OTOGL: variants seen among roughly 807,000 people sequenced by gnomAD.
OTOGL encodes the protein otogelin-like protein.
Under a neutral mutation model 318.5 loss-of-function variants are expected in OTOGL, and 285 were observed. That is an observed-to-expected ratio of 0.89 (90% CI 0.81 to 0.99). OTOGL has a LOEUF of 0.99. Ranked by LOEUF, OTOGL falls within the 50% of genes least tolerant of loss-of-function variation. The pLI is 0.00. For synonymous variants in OTOGL, 987 were observed against 936.5 expected (o/e 1.05, Z -0.99); for missense variants, 2,899 against 2,845.6 (o/e 1.02, Z -0.43).
At chr12:80,345,215 AAT>A (rs3045903) in intron 44 of OTOGL, among the ~76,000 whole-genome samples, 2 of 138,742 alleles carry the variant, frequency 1.4e-5, no homozygotes, top group South Asian at 2.1e-4. Context: ...TTATGTATAA[AAT>A]ATATATATAT....
intron 34 of OTOGL, among the ~76,000 whole-genome samples, chr12:80,323,112 ACACACACACACACAC>A (rs2137844678): frequency 3.2e-5 from 2 of 61,892 alleles, no homozygotes; most frequent in African/African-American, 7.3e-5. Flanking sequence ...ACACACACAC[ACACACACACACACAC>A]ACACACACAC....
chr12:80,191,628 G>A lies in OTOGL; in HGVS notation c.-19-17785G>A, dbSNP rs182580760. ...GTTATTTGTCCTTTAAAATAAGAAT[G>A]CAATATTTAAACAGTTGGCCTCTTA... On this transcript the variant is annotated intron_variant, in intron 1 of 58. Transcript: ENST00000547103. Among the ~76,000 whole-genome samples the A allele has an allele frequency of 5.5e-3, 835 of 152,238 alleles. 10 individuals carry two copies. The highest frequency in any genetic ancestry group is 0.019 in the African/African-American group (793 of 41,548).
intron 1 of OTOGL, among the ~76,000 whole-genome samples, chr12:80,111,738 T>G (rs1392346378): frequency 6.6e-6 from 1 of 152,210 alleles, no homozygotes; most frequent in African/African-American, 2.4e-5. Context: ...CAGGCTGTTT[T>G]TTGGTTCCAT....
At chr12:80,254,444 T>TC in intron 14 of OTOGL, 80 bp from the exon 15 acceptor site, 1 of 1,069,766 alleles carries the variant, frequency 9.3e-7, no homozygotes, top group South Asian at 1.9e-5. Context: ...TATATTTTGG[T>TC]CCATTAATCA....
At chr12:80,118,332 GAGAT>G (rs1313152286) in intron 1 of OTOGL, among the ~76,000 whole-genome samples, 1 of 152,192 alleles carries the variant, frequency 6.6e-6, no homozygotes, top group African/African-American at 2.4e-5. Context: ...AAGCGTGCCT[GAGAT>G]AGATGCTGGC....
At chr12:80,307,546 C>T (rs538080084) in intron 29 of OTOGL, among the ~76,000 whole-genome samples, 17 of 146,744 alleles carry the variant, frequency 1.2e-4, no homozygotes, top group Admixed American at 6.7e-4. Context: ...CGGGACGGGG[C>T]AGCTGGCCGG....
chr12:80,208,319 A>G, intron 1 of OTOGL: 1 of 452,520 alleles, frequency 2.2e-6, no homozygotes, highest in Non-Finnish European at 4.4e-6. Flanking sequence ...TAGGATGTCA[A>G]GAATACTTAA....
rs921533147 is a variant in OTOGL at position 80,210,848 on chromosome 12, A to G, written c.81A>G (p.Glu27=). The change falls in exon 3 of 59, where the codon GAA becomes GAG. Residue 27 remains glutamate, a splice_region_variant and synonymous_variant. Transcript: ENST00000547103. ...TTCTTATATATTTGTCTCTGGCAGAATATATTTGTGCATCGTCTATATTGA... is the reference window on the plus strand; with the variant it reads ...TTCTTATATATTTGTCTCTGGCAGAGTATATTTGTGCATCGTCTATATTGA... ...LLHVLLFSLQ[E]YICASSILMG... 4 of 1,469,426 alleles carry G rather than the reference A, an allele frequency of 2.7e-6. No homozygotes were observed. Among genetic ancestry groups the G allele is most frequent in the African/African-American group, 1.4e-5 (1 of 70,316 alleles). 91.0% of individuals were successfully genotyped at this position (1,469,426 alleles called of 1,614,324 possible). A position where few individuals can be genotyped will look rare whatever the true frequency, so the allele number is the denominator to read the frequency against.
intron 26 of OTOGL, among the ~76,000 whole-genome samples, chr12:80,285,411 G>A (rs533892038): frequency 7.9e-5 from 12 of 152,116 alleles, no homozygotes; most frequent in South Asian, 4.2e-4. Flanking sequence ...CTAATTCTGC[G>A]AAGAAAGTTA....
chr12:80,334,512 G>T (rs1432413432), intron 38 of OTOGL, among the ~76,000 whole-genome samples: 1 of 152,074 alleles, frequency 6.6e-6, no homozygotes, highest in African/African-American at 2.4e-5. Context: ...GTATGAGACT[G>T]GGTGAGATAG....
At chr12:80,205,864 TA>T (rs1342673068) in intron 1 of OTOGL, among the ~76,000 whole-genome samples, 1 of 152,210 alleles carries the variant, frequency 6.6e-6, no homozygotes, top group Non-Finnish European at 1.5e-5. Flanking sequence ...TCATTACAAA[TA>T]TCCCATTATT....
At chr12:80,351,462 C>A (rs553195970) in intron 44 of OTOGL, among the ~76,000 whole-genome samples, 103 of 152,024 alleles carry the variant, frequency 6.8e-4, no homozygotes, top group African/African-American at 2.3e-3. Flanking sequence ...ATTACAGGCA[C>A]GCGCCACCAC....
intron 1 of OTOGL, chr12:80,102,960 G>C: frequency 2.3e-6 from 2 of 880,656 alleles, no homozygotes; most frequent in Non-Finnish European, 3.8e-6. Context: ...TACTTGGCGA[G>C]ATTTGGCTTT....
At chr12:80,366,717 T>A in intron 53 of OTOGL, 80 bp downstream of exon 53, 1 of 522,074 alleles carries the variant, frequency 1.9e-6, no homozygotes, top group Non-Finnish European at 2.8e-6. Context: ...AAGTTAAAAA[T>A]CTCATTTTTG....
At chr12:80,242,077 G>T (rs1279388037) in intron 11 of OTOGL, among the ~76,000 whole-genome samples, 1 of 152,152 alleles carries the variant, frequency 6.6e-6, no homozygotes, top group Non-Finnish European at 1.5e-5. Flanking sequence ...GTTGTCTTTG[G>T]CTGGCAGCCA....
intron 34 of OTOGL, among the ~76,000 whole-genome samples, chr12:80,321,481 C>G (rs1887326375): frequency 6.6e-6 from 1 of 151,982 alleles, no homozygotes; most frequent in Non-Finnish European, 1.5e-5. Context: ...TGTTAAATGA[C>G]AAGTTAATGG....
At position 80,336,397 on chromosome 12, in the gene OTOGL, T is replaced by G; in HGVS notation, c.4601-16T>G. The G allele has an allele frequency of 6.4e-7, 1 of 1,573,172 alleles. No homozygotes were observed. Among genetic ancestry groups the G allele is most frequent in the Non-Finnish European group, 8.6e-7 (1 of 1,163,366 alleles). On this transcript the variant is annotated splice_polypyrimidine_tract_variant and intron_variant, in intron 39 of 58. Coordinates refer to ENST00000547103, the MANE Select transcript of OTOGL (RefSeq NM_001378609.3). ...GATAGTTAATAGACTAAATCCACTT[T>G]CCACCATTTTTATAGGTCGGTGTTC...
rs889306002 is a variant in OTOGL, at chr12:80,378,787, A to C, written c.*739A>C. The C allele has an allele frequency of 6.6e-6, 1 of 152,060 alleles. No individual in the cohort carries two copies. Among genetic ancestry groups the C allele is most frequent in the African/African-American group, 2.4e-5 (1 of 41,456 alleles). The allele number at this position is 152,060 out of a possible 1,614,324, so 9.4% of individuals were successfully genotyped here. ...TAAAGAGTTTGCATTGGATAGAATT[A>C]AGTATTTTAAGTTTAACATATTTGA... On this transcript the variant is annotated 3_prime_UTR_variant, in exon 59 of 59. Transcript: ENST00000547103.
rs1435348838 is a variant in OTOGL at position 80,314,326 on chromosome 12, A to G, written c.3629A>G (p.Asn1210Ser). 9.6e-6 allele frequency: 10 copies of G among 1,043,106 alleles called. No individual in the cohort carries two copies. Among genetic ancestry groups the G allele is most frequent in the African/African-American group, 1.7e-5 (1 of 60,420 alleles). 64.6% of individuals were successfully genotyped at this position (1,043,106 alleles called of 1,614,324 possible). A position where few individuals can be genotyped will look rare whatever the true frequency, so the allele number is the denominator to read the frequency against. ...TTAGCACTTGATTGTGAATACTACA[A>G]TGAAGGTATGTGACATTCAAATTAA... Reference protein sequence around the residue: ...TVCSLDCEYYNEGLGEGPYML... With the variant: ...TVCSLDCEYYSEGLGEGPYML... The change falls in exon 32 of 59, where the codon AAT becomes AGT. Residue 1210 changes from asparagine to serine, a missense_variant. By Grantham distance (46) the Asn-to-Ser change is conservative. This residue lies in a region of OTOGL where 2,607 missense variants were observed against 2,524.9 expected (regional missense o/e 1.03). Transcript: ENST00000547103.
Sources: gnomAD v4.1 joint callset for allele counts (sites outside exome capture counted in the v4.1 genomes callset) on GRCh38, gnomAD v4.1.1 for gene constraint, gnomAD v4.1.1 regional missense constraint, MANE v1.5 for transcripts, NCBI Gene and HGNC (gene_info 2026-07-23, HGNC 2026-07-21) for gene names.